TRIM39: variants seen among roughly 807,000 people sequenced by gnomAD.
TRIM39 encodes E3 ubiquitin-protein ligase TRIM39.
TRIM39 carries 5 observed loss-of-function variants against 53.6 expected under a neutral mutation model. The observed-to-expected ratio is 0.09, with a 90% confidence interval of 0.05 to 0.20. The LOEUF (loss-of-function observed/expected upper bound fraction) is 0.20, where lower values mean the gene tolerates loss of function less well. TRIM39 is among the 10% of genes least tolerant of loss of function. The pLI is 1.00. For synonymous variants in TRIM39, 196 were observed against 237.6 expected, an observed-to-expected ratio of 0.82 and a Z score of 1.61; for missense variants, 310 against 621.0, an observed-to-expected ratio of 0.50 and a Z score of 5.32.
At chr6:30,334,198 A>ACT (rs1445576026) in intron 4 of TRIM39, among the ~76,000 whole-genome samples, 5 of 151,058 alleles carry the variant, frequency 3.3e-5, no homozygotes, top group African/African-American at 1.2e-4. Context: ...TTGCATCCCC[A>ACT]CTCTCTCTCC....
intron 4 of TRIM39, among the ~76,000 whole-genome samples, chr6:30,332,360 A>G (rs914872219): frequency 1.3e-5 from 2 of 152,238 alleles, no homozygotes; most frequent in Non-Finnish European, 2.9e-5. Context: ...TAAGAAGACA[A>G]CATAGAAATT....
intron 6 of TRIM39, chr6:30,340,285 A>G: frequency 6.2e-7 from 1 of 1,612,988 alleles, no homozygotes; most frequent in Non-Finnish European, 8.5e-7. Context: ...TATTCCTAGA[A>G]AGTTCGGAGG....
chr6:30,327,113 TGCCTCCGCCC>T (rs1203542541), intron 1 of TRIM39, 118 bp downstream of exon 1: 2 of 152,272 alleles, frequency 1.3e-5, no homozygotes, highest in African/African-American at 4.8e-5. Flanking sequence ...TAACCACAGC[TGCCTCCGCCC>T]GCCTCGGGCC....
chr6:30,331,785 C>T (rs1042861274), intron 4 of TRIM39, among the ~76,000 whole-genome samples: 5 of 152,198 alleles, frequency 3.3e-5, no homozygotes, highest in Non-Finnish European at 7.3e-5. Flanking sequence ...TCTTAATTTT[C>T]ATACAATTTT....
At chr6:30,340,382 G>C (rs2127411209) in intron 6 of TRIM39, 123 bp from the exon 7 acceptor site, 1 of 1,611,496 alleles carries the variant, frequency 6.2e-7, no homozygotes, top group Middle Eastern at 1.7e-4. Context: ...CAGGGAGGAG[G>C]AAGAAAGTGG....
intron 1 of TRIM39, among the ~76,000 whole-genome samples, chr6:30,327,853 A>G (rs1381196895): frequency 6.6e-6 from 1 of 152,244 alleles, no homozygotes; most frequent in African/African-American, 2.4e-5. Flanking sequence ...TCCTACTCCA[A>G]ATCAAACACA....
In TRIM39 at chr6:30,329,056, A is replaced by G. The variant is rs1001255204; in HGVS notation, c.-8+15A>G. On this transcript the variant is annotated intron_variant, in intron 2 of 7. Transcript: ENST00000396551. ...AGAAAGCAGAGGTAAGAGACAAGAT[A>G]GATCAATTGGGGGTTGTGTGTCAGT... 28 of 501,878 alleles carry G rather than the reference A, an allele frequency of 5.6e-5. No homozygotes were observed. The highest frequency in any genetic ancestry group is 8.4e-5 in the Non-Finnish European group (24 of 285,938). The allele number at this position is 501,878 out of a possible 1,614,324, so 31.1% of individuals were successfully genotyped here.
chr6:30,330,946 A>C, intron 4 of TRIM39, 70 bp downstream of exon 4: 1 of 1,533,358 alleles, frequency 6.5e-7, no homozygotes, highest in Non-Finnish European at 8.9e-7. Context: ...ACTGTACACT[A>C]TTTAATCCAC....
chr6:30,328,546 T>G (rs957592125), intron 1 of TRIM39, among the ~76,000 whole-genome samples: 1 of 152,254 alleles, frequency 6.6e-6, no homozygotes, highest in African/African-American at 2.4e-5. Context: ...TCTAACCCTT[T>G]CAATATGAGG....
chr6:30,331,731 G>C (rs1243383523), intron 4 of TRIM39, among the ~76,000 whole-genome samples: 2 of 152,158 alleles, frequency 1.3e-5, no homozygotes, highest in African/African-American at 4.8e-5. Context: ...CGGGATGAAA[G>C]CCACTTCCTA....
In TRIM39 at chr6:30,334,720, T is replaced by C. The variant is rs182908321; in HGVS notation, c.550-1025T>C. ...TTTTAACTTTTTATTATTTGTACTT[T>C]CCTTTTTGTTTCGTTGTTTTTTGTT... On this transcript the variant is annotated intron_variant, in intron 4 of 7. Transcript: ENST00000396551. Among the ~76,000 whole-genome samples, 272 of 152,306 alleles carry C rather than the reference T, an allele frequency of 1.8e-3. 1 individual carries two copies. The highest frequency in any genetic ancestry group is 3.7e-3 in the Admixed American group (57 of 15,286).
chr6:30,340,890 A>G (rs1440538421), intron 7 of TRIM39, among the ~76,000 whole-genome samples: 1 of 152,206 alleles, frequency 6.6e-6, no homozygotes, highest in African/African-American at 2.4e-5. Flanking sequence ...TAGAGTGGTT[A>G]TATAATTTAC....
Position 30,335,869 on chromosome 6 carries a change from G to A in TRIM39, c.674G>A (p.Arg225Gln), listed in dbSNP as rs1429844319. 9 of 1,612,888 alleles carry A rather than the reference G, an allele frequency of 5.6e-6. No homozygotes were observed. Among genetic ancestry groups the A allele is most frequent in the South Asian group, 2.2e-5 (2 of 91,042 alleles). Residue 225 changes from arginine to glutamine, a missense_variant, in exon 5 of 8, where the codon CGA becomes CAA. By Grantham distance (43) the Arg-to-Gln change is conservative. This residue lies in a region of TRIM39 where 161 missense variants were observed against 210.0 expected (regional missense o/e 0.77). Transcript: ENST00000396551. This position sits in a 1 kb window ranked among gnomAD's most constrained non-coding sequence, Gnocchi z 4.7. Reference sequence around the variant, plus strand: ...GAAGAGGAACAGGACATTCTGCAGCGACTCCGAGAAAATGCTGCTCACCTT... The same window carrying A: ...GAAGAGGAACAGGACATTCTGCAGCAACTCCGAGAAAATGCTGCTCACCTT...
In TRIM39 at chr6:30,342,398, T is replaced by C. The variant is rs1438485069; in HGVS notation, c.*139T>C. On this transcript the variant is annotated 3_prime_UTR_variant, in exon 8 of 8. Transcript: ENST00000396551. This position sits in a 1 kb window ranked among gnomAD's most constrained non-coding sequence, Gnocchi z 4.7. The stretch of plus-strand genomic sequence containing the variant: ...TGGAGAAACACCTTGGTTTCTAGGA[T>C]GGTTTTGTGTGGAGGGGGAGGTAGG... The C allele has an allele frequency of 6.8e-6, 6 of 878,322 alleles. No homozygotes were observed. Among genetic ancestry groups the C allele is most frequent in the Non-Finnish European group, 1.0e-5 (6 of 574,594 alleles). 54.4% of individuals were successfully genotyped at this position (878,322 alleles called of 1,614,324 possible). A position where few individuals can be genotyped will look rare whatever the true frequency, so the allele number is the denominator to read the frequency against.
chr6:30,334,990 T>C (rs756048799), intron 4 of TRIM39, among the ~76,000 whole-genome samples: 21 of 152,176 alleles, frequency 1.4e-4, no homozygotes, highest in Non-Finnish European at 3.1e-4. Context: ...TCCTAAGCAC[T>C]AAGTTTACAG....
rs747609910 is a variant in TRIM39 at position 30,335,728 on chromosome 6, C to T, written c.550-17C>T. On this transcript the variant is annotated splice_polypyrimidine_tract_variant and intron_variant, in intron 4 of 7. Transcript: ENST00000396551. The surrounding 1 kb of genome is among the most constrained non-coding windows in gnomAD (Gnocchi z 4.7). ...CACACTGACCCTGCTGATACAACATCTTCCCTCTCTTCTCAGAGACTAGTG... is the reference window on the plus strand; with the variant it reads ...CACACTGACCCTGCTGATACAACATTTTCCCTCTCTTCTCAGAGACTAGTG... The T allele has an allele frequency of 1.6e-5, 26 of 1,611,194 alleles. No individual in the cohort carries two copies. In the African/African-American group the frequency reaches 2.9e-4, roughly 18 times the overall value.
exon 2 of TRIM39, chr6:30,328,953 T>A (rs1354180730): frequency 8.5e-6 from 2 of 235,372 alleles, no homozygotes; most frequent in Non-Finnish European, 1.6e-5. Flanking sequence ...CTATTGGTTC[T>A]AAGATATAAG....
chr6:30,336,110 A>G (rs917154946), intron 5 of TRIM39, 135 bp downstream of exon 5: 3 of 1,352,510 alleles, frequency 2.2e-6, no homozygotes, highest in Non-Finnish European at 3.1e-6. Flanking sequence ...AGGTGTACTC[A>G]AAGGGTCTTT....
At chr6:30,328,160 T>G (rs999933430) in intron 1 of TRIM39, among the ~76,000 whole-genome samples, 3 of 152,248 alleles carry the variant, frequency 2.0e-5, no homozygotes, top group African/African-American at 7.2e-5. Context: ...TTGCCTCTTT[T>G]GTGTCTCTTA....
Sources: allele counts gnomAD v4.1 joint callset (sites outside exome capture counted in the v4.1 genomes callset), GRCh38; gene constraint gnomAD v4.1.1; regional missense constraint gnomAD v4.1.1; non-coding constraint Gnocchi (gnomAD v3.1); transcripts MANE v1.5; gene names NCBI Gene and HGNC (gene_info 2026-07-23, HGNC 2026-07-21).